PTPRD: variants seen among roughly 807,000 people sequenced by gnomAD.
PTPRD encodes receptor-type tyrosine-protein phosphatase delta.
In PTPRD, 34 loss-of-function variants were observed where a neutral mutation model predicts 214.5. The observed-to-expected ratio is 0.16, with a 90% CI of 0.12 to 0.21. The LOEUF (loss-of-function observed/expected upper bound fraction) is 0.21, where lower values mean the gene tolerates loss of function less well. PTPRD is among the 10% of genes least tolerant of loss of function. The pLI, the probability that PTPRD is intolerant of heterozygous loss-of-function variation, is 1.00. For synonymous variants in PTPRD, 1,128 were observed against 845.7 expected (o/e 1.33, Z -5.79); for missense variants, 2,545 against 2,398.7 (o/e 1.06, Z -1.27).
At chr9:9,864,030 C>T (rs941106320) in intron 5 of PTPRD, among the ~76,000 whole-genome samples, 1 of 152,082 alleles carries the variant, frequency 6.6e-6, no homozygotes, top group Non-Finnish European at 1.5e-5. Context: ...TTTGGCCGGG[C>T]GCGGTGGCTC....
At chr9:8,333,504 T>G (rs1277936989) in intron 43 of PTPRD, among the ~76,000 whole-genome samples, 2 of 152,144 alleles carry the variant, frequency 1.3e-5, no homozygotes, top group African/African-American at 4.8e-5. Context: ...AAGCAAATGC[T>G]GAGAGATTAT....
chr9:9,998,468 A>G (rs2154089911), intron 4 of PTPRD, among the ~76,000 whole-genome samples: 1 of 152,128 alleles, frequency 6.6e-6, no homozygotes, highest in East Asian at 1.9e-4. Flanking sequence ...CATGACCTTA[A>G]GGGGCATCTC....
chr9:10,472,648 T>C (rs1448691546), intron 2 of PTPRD, among the ~76,000 whole-genome samples: 2 of 152,146 alleles, frequency 1.3e-5, no homozygotes, highest in East Asian at 3.8e-4. Flanking sequence ...TTTTGAATAG[T>C]ATCCAATGCC....
At chr9:10,078,095 G>A (rs913667817) in intron 3 of PTPRD, among the ~76,000 whole-genome samples, 2 of 143,202 alleles carry the variant, frequency 1.4e-5, no homozygotes, top group Non-Finnish European at 3.2e-5. Flanking sequence ...AGAAATATTA[G>A]AAAATAACTT....
At chr9:8,759,420 C>A (rs567970518) in intron 11 of PTPRD, among the ~76,000 whole-genome samples, 1 of 152,046 alleles carries the variant, frequency 6.6e-6, no homozygotes, top group East Asian at 1.9e-4. Context: ...TTTAAAGCTT[C>A]TGTTCTCTGC....
intron 11 of PTPRD, among the ~76,000 whole-genome samples, chr9:8,998,139 A>G (rs534235823): frequency 6.6e-6 from 1 of 152,126 alleles, no homozygotes; most frequent in Non-Finnish European, 1.5e-5. Context: ...AGATTTAGCT[A>G]AAATAATTGA....
At chr9:10,395,542 GGCAAA>G (rs1449473945) in intron 2 of PTPRD, among the ~76,000 whole-genome samples, 1 of 151,764 alleles carries the variant, frequency 6.6e-6, no homozygotes, top group African/African-American at 2.4e-5. Context: ...TCAGGTTTTA[GGCAAA>G]GCAATGAGAA....
At position 8,604,390 on chromosome 9, in the gene PTPRD, GGAA is replaced by G. The variant is rs199839043; in HGVS notation, c.352+28924_352+28926del. The stretch of plus-strand genomic sequence containing the variant: ...GATGAATCACAGATAGGGTGGGAAA[GGAA>G]GAAGACTTACTAAGGCAGAGAAATA... On this transcript the variant is annotated intron_variant, in intron 14 of 45. Coordinates refer to ENST00000381196, the MANE Select transcript of PTPRD (RefSeq NM_002839.4). Among the ~76,000 whole-genome samples the G allele has an allele frequency of 9.7e-4, 148 of 152,272 alleles. 3 individuals are homozygous for G. The East Asian group carries it at 0.027, about 28-fold the overall frequency.
rs78926647 is a variant in PTPRD, at chr9:9,344,321, T to G, written c.-203+53128A>C. On this transcript the variant is annotated intron_variant, in intron 9 of 45. Coordinates refer to ENST00000381196, the MANE Select transcript of PTPRD (RefSeq NM_002839.4). ...GGAGGGGGCATCACACACTGAGGCC[T>G]GTCGGGGGTTTGGGGGGAAAGGGGA... Among the ~76,000 whole-genome samples the G allele has an allele frequency of 7.5e-3, 1,142 of 151,790 alleles. 14 individuals carry two copies. Among genetic ancestry groups the G allele is most frequent in the Non-Finnish European group, 0.011 (733 of 67,920 alleles).
At chr9:9,234,314 G>T (rs2099965146) in intron 9 of PTPRD, among the ~76,000 whole-genome samples, 1 of 152,192 alleles carries the variant, frequency 6.6e-6, no homozygotes, top group Non-Finnish European at 1.5e-5. Context: ...TGGGGCACAG[G>T]GCACCATGTC....
chr9:8,606,301 A>C (rs2095209459), intron 14 of PTPRD, among the ~76,000 whole-genome samples: 1 of 152,208 alleles, frequency 6.6e-6, no homozygotes, highest in South Asian at 2.1e-4. Flanking sequence ...AGAGAATGCT[A>C]ATGTAATGCC....
intron 5 of PTPRD, among the ~76,000 whole-genome samples, chr9:9,775,738 C>G (rs2098792710): frequency 6.6e-6 from 1 of 151,944 alleles, no homozygotes; most frequent in Non-Finnish European, 1.5e-5. Context: ...GGTCAGGAGA[C>G]TGAGACCATC....
chr9:8,946,288 A>T (rs2154298946), intron 11 of PTPRD, among the ~76,000 whole-genome samples: 1 of 152,164 alleles, frequency 6.6e-6, no homozygotes, highest in South Asian at 2.1e-4. Context: ...TCATGGCTTG[A>T]GATAAAATTA....
At chr9:8,600,969 C>A (rs2154276871) in intron 14 of PTPRD, among the ~76,000 whole-genome samples, 1 of 152,170 alleles carries the variant, frequency 6.6e-6, no homozygotes, top group East Asian at 1.9e-4. Context: ...CTCTCCGGGT[C>A]CCCAGCATCC....
intron 3 of PTPRD, among the ~76,000 whole-genome samples, chr9:10,128,283 A>T (rs1056248342): frequency 1.4e-4 from 22 of 152,190 alleles, no homozygotes; most frequent in African/African-American, 5.1e-4. Flanking sequence ...AAATAAGATT[A>T]TTGCAGCTGC....
chr9:10,501,100 T>C (rs1157938010), intron 2 of PTPRD, among the ~76,000 whole-genome samples: 1 of 151,970 alleles, frequency 6.6e-6, no homozygotes, highest in African/African-American at 2.4e-5. Context: ...TTTTAGTTTT[T>C]TTGAGGAACT....
chr9:9,680,994 G>A (rs2097057077), intron 7 of PTPRD, among the ~76,000 whole-genome samples: 1 of 151,584 alleles, frequency 6.6e-6, no homozygotes, highest in African/African-American at 2.4e-5. Context: ...TCTTTAATAT[G>A]GGACTTGGTA....
rs578065128 is a variant in PTPRD at position 9,250,789 on chromosome 9, T to C, written c.-202-67426A>G. 6.6e-5 allele frequency among the ~76,000 whole-genome samples: 10 copies of C among 152,084 alleles called. 1 individual carries two copies. Among genetic ancestry groups the C allele is most frequent in the African/African-American group, 2.4e-4 (10 of 41,522 alleles). On this transcript the variant is annotated intron_variant, in intron 9 of 45. Coordinates refer to ENST00000381196, the MANE Select transcript of PTPRD (RefSeq NM_002839.4). ...AAAGAAATATCAACAACAACAAATA[T>C]ATTATTGGTGAAAAAAATGAGTCCC...
At chr9:8,638,588 A>C (rs1480210011) in intron 12 of PTPRD, among the ~76,000 whole-genome samples, 1 of 152,196 alleles carries the variant, frequency 6.6e-6, no homozygotes, top group Non-Finnish European at 1.5e-5. Flanking sequence ...ATTATTTCCA[A>C]AGGAGGGAAG....
Sources: allele counts gnomAD v4.1 joint callset (sites outside exome capture counted in the v4.1 genomes callset), GRCh38; gene constraint gnomAD v4.1.1; transcripts MANE v1.5; gene names NCBI Gene and HGNC (gene_info 2026-07-23, HGNC 2026-07-21).